GRID2: variants seen among roughly 807,000 people sequenced by gnomAD.
The protein encoded by GRID2 is glutamate ionotropic receptor delta type subunit 2, also known as glutamate receptor ionotropic, delta-2.
In GRID2, 33 loss-of-function variants were observed where a neutral mutation model predicts 114.8. That is an observed-to-expected ratio of 0.29 (90% CI 0.22 to 0.38). The LOEUF (loss-of-function observed/expected upper bound fraction) is 0.38. Among genes scored for constraint, GRID2 ranks in the 10% least tolerant of loss-of-function variants. The pLI, the probability that GRID2 is intolerant of heterozygous loss-of-function variation, is 1.00. For synonymous variants in GRID2, 505 were observed against 449.9 expected, an observed-to-expected ratio of 1.12 and a Z score of -1.55; for missense variants, 1,184 against 1,257.7, an observed-to-expected ratio of 0.94 and a Z score of 0.89.
At chr4:93,441,126 A>G (rs752781144) in intron 10 of GRID2, among the ~76,000 whole-genome samples, 2 of 152,088 alleles carry the variant, frequency 1.3e-5, no homozygotes, top group Non-Finnish European at 2.9e-5. Flanking sequence ...CCTGAAATCC[A>G]CGGTTGGCTA....
At chr4:93,054,552 A>G (rs1727044604) in intron 2 of GRID2, among the ~76,000 whole-genome samples, 1 of 151,916 alleles carries the variant, frequency 6.6e-6, no homozygotes, top group Non-Finnish European at 1.5e-5. Context: ...TTTCTATCCC[A>G]AGACAAGGAC....
intron 4 of GRID2, among the ~76,000 whole-genome samples, chr4:93,181,053 A>T (rs1739846805): frequency 1.3e-5 from 2 of 152,200 alleles, no homozygotes; most frequent in South Asian, 4.1e-4. Context: ...AATATATCAG[A>T]AGAATCACCT....
intron 2 of GRID2, among the ~76,000 whole-genome samples, chr4:93,005,675 A>G (rs1378361210): frequency 6.6e-6 from 1 of 152,144 alleles, no homozygotes; most frequent in Non-Finnish European, 1.5e-5. Context: ...ATTAATCATT[A>G]AAAAGTCATA....
intron 9 of GRID2, among the ~76,000 whole-genome samples, chr4:93,419,435 T>C (rs917518956): frequency 6.6e-6 from 1 of 152,002 alleles, no homozygotes; most frequent in Non-Finnish European, 1.5e-5. Flanking sequence ...TTCCCAAAGC[T>C]TCAACCAAAT....
Position 92,397,637 on chromosome 4 carries a change from C to A in GRID2, c.88+92893C>A, listed in dbSNP as rs533243465. Among the ~76,000 whole-genome samples, 274 of 152,052 alleles carry A rather than the reference C, an allele frequency of 1.8e-3. 1 individual carries two copies. Among genetic ancestry groups the A allele is most frequent in the Non-Finnish European group, 2.4e-3 (160 of 67,960 alleles). ...TGTTACTGTTGCAGCATAGAAGTGG[C>A]ATGAAAATACATGGGGTAATAATAT... On this transcript the variant is annotated intron_variant, in intron 1 of 15. Coordinates refer to ENST00000282020, the MANE Select transcript of GRID2 (RefSeq NM_001510.4).
intron 14 of GRID2, among the ~76,000 whole-genome samples, chr4:93,637,233 G>A (rs191128052): frequency 6.6e-6 from 1 of 152,072 alleles, no homozygotes; most frequent in African/African-American, 2.4e-5. Flanking sequence ...AAACTCACCA[G>A]GTGCCAAGTA....
At chr4:92,839,764 G>C (rs1742745119) in intron 2 of GRID2, among the ~76,000 whole-genome samples, 1 of 151,992 alleles carries the variant, frequency 6.6e-6, no homozygotes, top group African/African-American at 2.4e-5. Flanking sequence ...AGAATGATCT[G>C]TGTGCTGAGG....
rs577072737 is a variant in GRID2, at chr4:93,051,480, T to G, written c.245-33515T>G. ...CAATGGCTCTTTTTTTGTTTCCTTT[T>G]TATCAGATGCTCTCTTCATCAAGTG... On this transcript the variant is annotated intron_variant, in intron 2 of 15. Transcript: ENST00000282020. 2.0e-5 allele frequency among the ~76,000 whole-genome samples: 3 copies of G among 152,174 alleles called. No homozygotes were observed. The South Asian group carries it at 6.2e-4, about 32-fold the overall frequency.
At chr4:92,366,134 A>G (rs900408404) in intron 1 of GRID2, among the ~76,000 whole-genome samples, 2 of 152,058 alleles carry the variant, frequency 1.3e-5, no homozygotes, top group Non-Finnish European at 2.9e-5. Context: ...TATCAATAAA[A>G]TAGCATAATA....
intron 8 of GRID2, among the ~76,000 whole-genome samples, chr4:93,323,495 T>C (rs1009501140): frequency 3.3e-5 from 5 of 152,226 alleles, no homozygotes; most frequent in Non-Finnish European, 7.3e-5. Context: ...CCTCCAGCTT[T>C]GTTCGTTTGA....
chr4:93,781,741 A>G lies in GRID2; in HGVS notation c.221+12291A>G, dbSNP rs1231603876. Among the ~76,000 whole-genome samples, 3 of 152,212 alleles carry G rather than the reference A, an allele frequency of 2.0e-5. No homozygotes were observed. In the East Asian group the frequency reaches 5.8e-4, roughly 29 times the overall value. ...GCTATGTAAACAGTTGTTATACTGT[A>G]CAGTTTAGGGAATAATGACAAGAAA... On this transcript the variant is annotated intron_variant, in intron 1 of 1. Coordinates refer to the GRID2 transcript ENST00000637838.
intron 2 of GRID2, among the ~76,000 whole-genome samples, chr4:92,940,901 C>A (rs111251214): frequency 0.015 from 2,232 of 152,280 alleles, 20 homozygotes; most frequent in East Asian, 0.053. Flanking sequence ...ACCAGCCTTG[C>A]ATCCCACGGA....
At chr4:93,342,358 T>C (rs1476182077) in intron 8 of GRID2, among the ~76,000 whole-genome samples, 2 of 152,202 alleles carry the variant, frequency 1.3e-5, no homozygotes, top group Non-Finnish European at 2.9e-5. Context: ...CTCTCTCTTC[T>C]GCATTTCCCA....
chr4:92,696,683 A>G (rs1328309258), intron 2 of GRID2, among the ~76,000 whole-genome samples: 1 of 152,112 alleles, frequency 6.6e-6, no homozygotes, highest in Admixed American at 6.5e-5. Context: ...CCCATTTGCA[A>G]TGACACTTTA....
intron 2 of GRID2, among the ~76,000 whole-genome samples, chr4:92,700,719 G>A (rs1166286887): frequency 6.6e-6 from 1 of 152,104 alleles, no homozygotes; most frequent in African/African-American, 2.4e-5. Context: ...CAGGCTGGGC[G>A]CGGTGGCTCA....
At chr4:92,381,711 G>A (rs566659659) in intron 1 of GRID2, among the ~76,000 whole-genome samples, 2 of 152,098 alleles carry the variant, frequency 1.3e-5, no homozygotes, top group Non-Finnish European at 2.9e-5. Context: ...ATTTCAATGT[G>A]TTAAATTTTG....
At chr4:92,630,229 T>TA (rs966983321) in intron 2 of GRID2, among the ~76,000 whole-genome samples, 3 of 152,058 alleles carry the variant, frequency 2.0e-5, no homozygotes, top group South Asian at 2.1e-4. Context: ...GAGCAGAATA[T>TA]AAAAAATGGC....
At position 93,499,522 on chromosome 4, in the gene GRID2, C is replaced by A. The variant is rs539795514; in HGVS notation, c.1997+8745C>A. Among the ~76,000 whole-genome samples, 242 of 151,988 alleles carry A rather than the reference C, an allele frequency of 1.6e-3. 2 individuals are homozygous for A. Among genetic ancestry groups the A allele is most frequent in the Non-Finnish European group, 2.6e-3 (178 of 67,916 alleles). On this transcript the variant is annotated intron_variant, in intron 12 of 15. Coordinates refer to ENST00000282020, the MANE Select transcript of GRID2 (RefSeq NM_001510.4). ...ACAGTCAAGCTAGACTCTTATGGGA[C>A]CTTGCATGCCTCTCTGGAGCTTTAC... is the stretch of plus-strand genomic sequence containing the variant.
At chr4:93,433,146 T>A (rs1161060317) in intron 10 of GRID2, among the ~76,000 whole-genome samples, 1 of 152,204 alleles carries the variant, frequency 6.6e-6, no homozygotes, top group Non-Finnish European at 1.5e-5. Flanking sequence ...GGTAAATTAT[T>A]CACACTTTCT....
Sources: allele counts gnomAD v4.1 joint callset (sites outside exome capture counted in the v4.1 genomes callset), GRCh38; gene constraint gnomAD v4.1.1; transcripts MANE v1.5; gene names NCBI Gene and HGNC (gene_info 2026-07-23, HGNC 2026-07-21).